Variants in PRKCB observed in about 807,000 individuals in gnomAD.
PRKCB encodes protein kinase C beta, also known as protein kinase C beta type.
PRKCB carries 13 observed loss-of-function variants against 81.5 expected under a neutral mutation model. The ratio of observed to expected loss-of-function variants is 0.16; its 90% confidence interval spans 0.10 to 0.25. The LOEUF is 0.25. Among genes scored for constraint, PRKCB ranks in the 10% least tolerant of loss-of-function variants. PRKCB has a pLI of 1.00. For synonymous variants in PRKCB, 335 were observed against 321.4 expected, an observed-to-expected ratio of 1.04 and a Z score of -0.45; for missense variants, 509 against 875.7, an observed-to-expected ratio of 0.58 and a Z score of 5.29.
At chr16:24,145,085 A>G (rs1447198734) in intron 9 of PRKCB, among the ~76,000 whole-genome samples, 5 of 152,168 alleles carry the variant, frequency 3.3e-5, no homozygotes, top group Non-Finnish European at 7.4e-5. Flanking sequence ...ACAGGGTCAC[A>G]TTGGAGTGAC....
intron 2 of PRKCB, among the ~76,000 whole-genome samples, chr16:23,936,625 G>A (rs577814949): frequency 7.8e-6 from 1 of 127,926 alleles, no homozygotes; most frequent in South Asian, 2.5e-4. Flanking sequence ...TAGAGACAGA[G>A]TTTCACCATG....
chr16:24,156,367 C>T (rs546735381), intron 10 of PRKCB, among the ~76,000 whole-genome samples: 1 of 152,140 alleles, frequency 6.6e-6, no homozygotes, highest in South Asian at 2.1e-4. Context: ...CTCGATCTCC[C>T]ATGCTCAAGT....
intron 3 of PRKCB, among the ~76,000 whole-genome samples, chr16:23,993,567 A>AATATATTTGT (rs1446358443): frequency 1.3e-5 from 2 of 152,196 alleles, no homozygotes; most frequent in Non-Finnish European, 2.9e-5. Flanking sequence ...TACTTTGAGA[A>AATATATTTGT]ATATATTTGT....
chr16:24,085,566 G>C (rs1966301964), intron 5 of PRKCB, among the ~76,000 whole-genome samples: 1 of 152,190 alleles, frequency 6.6e-6, no homozygotes, highest in Non-Finnish European at 1.5e-5. Flanking sequence ...GAGGACAACA[G>C]TTCTAAATTG....
At chr16:24,036,726 G>T (rs1330854598) in intron 5 of PRKCB, among the ~76,000 whole-genome samples, 4 of 152,070 alleles carry the variant, frequency 2.6e-5, no homozygotes, top group Admixed American at 2.6e-4. Context: ...CCAAGTGGTC[G>T]CCTGCCTCCC....
chr16:24,090,308 C>T (rs1966361698), intron 5 of PRKCB, among the ~76,000 whole-genome samples: 1 of 152,226 alleles, frequency 6.6e-6, no homozygotes, highest in Non-Finnish European at 1.5e-5. Flanking sequence ...GAATAAGTTA[C>T]AGCTTGATCC....
At chr16:24,082,353 A>G (rs1484802943) in intron 5 of PRKCB, among the ~76,000 whole-genome samples, 2 of 152,236 alleles carry the variant, frequency 1.3e-5, no homozygotes, top group African/African-American at 4.8e-5. Flanking sequence ...ATGTTTGGAC[A>G]CAGTGATTCT....
chr16:24,023,842 G>T (rs73542875), intron 3 of PRKCB, among the ~76,000 whole-genome samples: 1,823 of 152,162 alleles, frequency 0.012, 51 homozygotes, highest in African/African-American at 0.041. Flanking sequence ...CCTCCATGAC[G>T]TGGTGACTAG....
chr16:24,033,949 C>T (rs1965581501), intron 4 of PRKCB, among the ~76,000 whole-genome samples: 1 of 151,876 alleles, frequency 6.6e-6, no homozygotes. Context: ...ACAAAGAGGC[C>T]AGAGACAAGT....
intron 7 of PRKCB, among the ~76,000 whole-genome samples, chr16:24,096,707 C>T (rs1169475125): frequency 3.1e-5 from 3 of 96,352 alleles, no homozygotes; most frequent in African/African-American, 7.5e-5. Flanking sequence ...ATATATATAT[C>T]CTCCAATGTT....
At chr16:24,119,436 G>A (rs1356561715) in intron 8 of PRKCB, among the ~76,000 whole-genome samples, 1 of 152,156 alleles carries the variant, frequency 6.6e-6, no homozygotes. Context: ...CATGGGGAGT[G>A]TGTGCTGGGA....
At chr16:24,104,461 A>G (rs1487845726) in intron 7 of PRKCB, among the ~76,000 whole-genome samples, 1 of 152,222 alleles carries the variant, frequency 6.6e-6, no homozygotes, top group Non-Finnish European at 1.5e-5. Context: ...TTTTAGTTGA[A>G]GAAAAATAAA....
At chr16:23,998,489 A>G (rs1964988476) in intron 3 of PRKCB, among the ~76,000 whole-genome samples, 2 of 152,202 alleles carry the variant, frequency 1.3e-5, no homozygotes. Flanking sequence ...GAGAAACGGT[A>G]TTGTGTCCTG....
At chr16:23,919,235 T>C (rs1456564776) in intron 2 of PRKCB, among the ~76,000 whole-genome samples, 1 of 152,214 alleles carries the variant, frequency 6.6e-6, no homozygotes, top group Non-Finnish European at 1.5e-5. Context: ...TGCACAAAAG[T>C]AACTATAGCT....
intron 5 of PRKCB, among the ~76,000 whole-genome samples, chr16:24,047,202 C>T (rs577671694): frequency 4.0e-4 from 60 of 151,558 alleles, no homozygotes; most frequent in African/African-American, 1.2e-3. Context: ...ATTAGCTGGG[C>T]GTGGTGGTGC....
chr16:24,122,187 G>A (rs1421503054), intron 8 of PRKCB, among the ~76,000 whole-genome samples: 3 of 152,154 alleles, frequency 2.0e-5, no homozygotes, highest in Non-Finnish European at 2.9e-5. Flanking sequence ...AGAGTTCTGG[G>A]GAAAGAGTGC....
In PRKCB at chr16:23,974,851, C is replaced by T. The variant is rs1482658826; in HGVS notation, c.206-13657C>T. Among the ~76,000 whole-genome samples, 5 of 152,202 alleles carry T rather than the reference C, an allele frequency of 3.3e-5. No homozygotes were observed. In the South Asian group the frequency reaches 1.0e-3, roughly 32 times the overall value. Reference sequence around the variant, plus strand: ...CTGGGTGGCAGGAGCGAATGGATGACCTTCACAGGGTGACACCATCGGGAG... The same window carrying T: ...CTGGGTGGCAGGAGCGAATGGATGATCTTCACAGGGTGACACCATCGGGAG... On this transcript the variant is annotated intron_variant, in intron 2 of 16. Transcript: ENST00000643927.
At chr16:23,845,946 T>C (rs1567287812) in intron 2 of PRKCB, among the ~76,000 whole-genome samples, 1 of 152,208 alleles carries the variant, frequency 6.6e-6, no homozygotes, top group South Asian at 2.1e-4. Context: ...GAGCACGGCA[T>C]TTCAGTGAGA....
chr16:23,942,906 G>A (rs1964156285), intron 2 of PRKCB, among the ~76,000 whole-genome samples: 1 of 152,140 alleles, frequency 6.6e-6, no homozygotes, highest in South Asian at 2.1e-4. Flanking sequence ...TCTCATTTCA[G>A]GAAAGGAGAC....
Sources: gnomAD v4.1 joint callset for allele counts (sites outside exome capture counted in the v4.1 genomes callset) on GRCh38, gnomAD v4.1.1 for gene constraint, MANE v1.5 for transcripts, NCBI Gene and HGNC (gene_info 2026-07-23, HGNC 2026-07-21) for gene names.